PHF14: variants seen among roughly 807,000 people sequenced by gnomAD.
PHF14 encodes PHD finger protein 14.
PHF14 carries 55 observed loss-of-function variants against 117.9 expected under a neutral mutation model. That is an observed-to-expected ratio of 0.47 (90% confidence interval 0.38 to 0.58). The LOEUF (loss-of-function observed/expected upper bound fraction) is 0.58. PHF14 is among the 20% of genes least tolerant of loss of function. The probability of loss-of-function intolerance (pLI) is 0.00; values close to 1 mark genes in which losing one functional copy is unlikely to be tolerated. For synonymous variants in PHF14, 409 were observed against 368.6 expected (o/e 1.11, Z -1.26); for missense variants, 978 against 1,122.2 (o/e 0.87, Z 1.84).
intron 2 of PHF14, among the ~76,000 whole-genome samples, chr7:10,976,244 A>G (rs576703994): frequency 1.3e-5 from 2 of 152,302 alleles, no homozygotes; most frequent in East Asian, 3.9e-4. Context: ...TATCTTGATT[A>G]ACTGTTTTTT....
At chr7:11,093,730 T>C (rs2906543) in intron 16 of PHF14, among the ~76,000 whole-genome samples, 72,571 of 151,972 alleles carry the variant, frequency 0.48, 17,959 homozygotes, top group East Asian at 0.85. Context: ...CTCCAAAGAA[T>C]CACAAGCTTG....
rs1467213240 is a variant in PHF14, at chr7:11,022,855, C to T, written c.1206-13C>T. The T allele has an allele frequency of 1.4e-5, 20 of 1,444,412 alleles. No homozygotes were observed. In the Admixed American group the frequency reaches 4.0e-4, roughly 29 times the overall value. The allele number at this position is 1,444,412 out of a possible 1,614,324, so 89.5% of individuals were successfully genotyped here. On this transcript the variant is annotated splice_polypyrimidine_tract_variant and intron_variant, in intron 5 of 17. Transcript: ENST00000634607. ...AAAAGATTTGATAGCAAAATCATAT[C>T]TTCTCTTCTTAGATGGGTTCATATT...
intron 17 of PHF14, among the ~76,000 whole-genome samples, chr7:11,152,827 C>A (rs1242418406): frequency 6.6e-6 from 1 of 152,022 alleles, no homozygotes; most frequent in Non-Finnish European, 1.5e-5. Context: ...CTCACTGATA[C>A]CTGCATGACA....
In PHF14 at chr7:11,052,149, A is replaced by G. The variant is rs553795681; in HGVS notation, c.2481+369A>G. Among the ~76,000 whole-genome samples the G allele has an allele frequency of 6.6e-5, 10 of 152,238 alleles. No individual in the cohort carries two copies. The South Asian group carries it at 1.9e-3, about 28-fold the overall frequency. ...TTTTCTCATTCACTTCTTTTTCTTT[A>G]TAGAAGAGATTTACACTCTAAATTT... On this transcript the variant is annotated intron_variant, in intron 14 of 17. Coordinates refer to ENST00000634607, the MANE Select transcript of PHF14 (RefSeq NM_001007157.2).
intron 17 of PHF14, among the ~76,000 whole-genome samples, chr7:11,150,646 A>T (rs1056137004): frequency 6.6e-6 from 1 of 152,134 alleles, no homozygotes; most frequent in Non-Finnish European, 1.5e-5. Flanking sequence ...AGAATCCTCT[A>T]TTTTTTCCAG....
At chr7:11,077,305 A>G (rs1337219552) in intron 16 of PHF14, among the ~76,000 whole-genome samples, 1 of 152,070 alleles carries the variant, frequency 6.6e-6, no homozygotes, top group Non-Finnish European at 1.5e-5. Context: ...CAAAGAAAAA[A>G]AAAAAGCCAG....
In PHF14 at chr7:11,062,018, A is replaced by C. The variant is rs1391286448; in HGVS notation, c.2587A>C (p.Lys863Gln). The change falls in exon 16 of 18, where the codon AAG becomes CAG. Residue 863 changes from lysine to glutamine, a missense_variant. Transcript: ENST00000634607. Reference protein sequence around the residue: ...QRQSVLQKKPKAEDLRTECAT... With the variant: ...QRQSVLQKKPQAEDLRTECAT... ...ACAGTCTGTGTTGCAAAAGAAGCCC[A>C]AGGCTGAAGATTTAAGAACTGAATG... is the stretch of plus-strand genomic sequence containing the variant. 6.2e-7 allele frequency: 1 copy of C among 1,606,404 alleles called. No individual in the cohort carries two copies. The highest frequency in any genetic ancestry group is 8.5e-7 in the Non-Finnish European group (1 of 1,175,814).
chr7:11,133,821 T>C (rs1336045208), intron 17 of PHF14, among the ~76,000 whole-genome samples: 2 of 152,048 alleles, frequency 1.3e-5, no homozygotes, highest in South Asian at 4.1e-4. Context: ...GCTTATCTAC[T>C]AAACACAACA....
intron 16 of PHF14, chr7:11,105,554 T>G (rs1787230725): frequency 2.0e-6 from 2 of 981,552 alleles, no homozygotes; most frequent in Non-Finnish European, 2.4e-6. Flanking sequence ...AAATGGCAAT[T>G]GAAACTTGTT....
Position 11,005,016 on chromosome 7 carries a change from CA to C in PHF14, c.1046-8721del, listed in dbSNP as rs993481506. On this transcript the variant is annotated intron_variant, in intron 4 of 17. Coordinates refer to ENST00000634607, the MANE Select transcript of PHF14 (RefSeq NM_001007157.2). Reference sequence around the variant, plus strand: ...TGGGCAATAGAGCGAGATTCCGTCTCAAAAAAAAAATGTATAATGTCAATTT... The same window carrying C: ...TGGGCAATAGAGCGAGATTCCGTCTCAAAAAAAAATGTATAATGTCAATTT... 2.1e-3 allele frequency among the ~76,000 whole-genome samples: 304 copies of C among 145,796 alleles called. 1 individual carries two copies. The highest frequency in any genetic ancestry group is 0.018 in the Middle Eastern group (5 of 280).
At chr7:11,032,271 A>G (rs1258758315) in intron 7 of PHF14, among the ~76,000 whole-genome samples, 2 of 152,190 alleles carry the variant, frequency 1.3e-5, no homozygotes, top group South Asian at 2.1e-4. Context: ...AATTAAGAAG[A>G]TAAGTTTGAT....
intron 2 of PHF14, among the ~76,000 whole-genome samples, chr7:10,975,741 A>G (rs1014730951): frequency 2.0e-5 from 3 of 152,220 alleles, no homozygotes; most frequent in Admixed American, 2.0e-4. Context: ...AAATTTTAAT[A>G]AAGTGAGATG....
intron 17 of PHF14, among the ~76,000 whole-genome samples, chr7:11,162,908 C>G (rs556620455): frequency 1.6e-4 from 25 of 152,270 alleles, no homozygotes; most frequent in African/African-American, 6.0e-4. Flanking sequence ...GAGCTAAAAA[C>G]TTACTCTACT....
At chr7:11,135,631 T>A (rs990743020) in intron 17 of PHF14, among the ~76,000 whole-genome samples, 8 of 152,178 alleles carry the variant, frequency 5.3e-5, no homozygotes, top group Non-Finnish European at 7.4e-5. Context: ...TCCATCTTTG[T>A]TAAGAAGCAA....
rs543143030 is a variant in PHF14 at position 11,104,905 on chromosome 7, A to G, written c.2655-6445A>G. On this transcript the variant is annotated intron_variant, in intron 16 of 17. Coordinates refer to ENST00000634607, the MANE Select transcript of PHF14 (RefSeq NM_001007157.2). ...TTTAAAACATCGTTGTGTTGTGCTT[A>G]ACATTGATTGATAAAGGAATGTGCT... 464 of 978,154 alleles carry G rather than the reference A, an allele frequency of 4.7e-4. 1 individual carries two copies. Among genetic ancestry groups the G allele is most frequent in the Non-Finnish European group, 5.4e-4 (447 of 823,510 alleles). 60.6% of individuals were successfully genotyped at this position (978,154 alleles called of 1,614,324 possible).
In PHF14 at chr7:11,040,748, C is replaced by CATCT. The variant is rs759646547; in HGVS notation, c.2155_2158dup (p.Thr720IlefsTer9). 1.3e-6 allele frequency: 2 copies of CATCT among 1,557,496 alleles called. No homozygotes were observed. The highest frequency in any genetic ancestry group is 1.7e-6 in the Non-Finnish European group (2 of 1,147,814). On this transcript the variant is annotated frameshift_variant, in exon 12 of 18. Coordinates refer to ENST00000634607, the MANE Select transcript of PHF14 (RefSeq NM_001007157.2). LOFTEE classifies it high-confidence loss of function. ...AAAAAAGAAGGAGGCACACAAAAGA[C>CATCT]ATCTACTCTTCCTGCAGTACTTTAT...
chr7:11,028,614 T>C, intron 6 of PHF14, 67 bp from the exon 7 acceptor site: 2 of 1,405,082 alleles, frequency 1.4e-6, no homozygotes, highest in Non-Finnish European at 2.0e-6. Context: ...GGACACTTTG[T>C]ATGAGAATGC....
chr7:11,063,164 A>G (rs940176294), intron 16 of PHF14: 30 of 971,830 alleles, frequency 3.1e-5, no homozygotes, highest in Non-Finnish European at 3.1e-5. Flanking sequence ...ATTACAGTAG[A>G]AAAAGACAAA....
intron 14 of PHF14, chr7:11,061,349 A>C (rs1785215909): frequency 1.3e-5 from 2 of 152,310 alleles, no homozygotes; most frequent in Admixed American, 6.5e-5. Context: ...TTATTTCTTT[A>C]CATAAACATG....
Sources: allele counts gnomAD v4.1 joint callset (sites outside exome capture counted in the v4.1 genomes callset), GRCh38; gene constraint gnomAD v4.1.1; transcripts MANE v1.5; gene names NCBI Gene and HGNC (gene_info 2026-07-23, HGNC 2026-07-21).